The following SLC35F1 variants were observed in gnomAD, a reference collection of about 807,000 sequenced individuals.
The protein encoded by SLC35F1 is solute carrier family 35 member F1, also known as chromosome 6 open reading frame 169.
Under a neutral mutation model 48.7 loss-of-function variants are expected in SLC35F1, and 14 were observed. That is an observed-to-expected ratio of 0.29 (90% CI 0.19 to 0.45). SLC35F1 has a LOEUF of 0.45. Ranked by LOEUF, SLC35F1 falls within the 20% of genes least tolerant of loss-of-function variation. The pLI is 1.00. For synonymous variants in SLC35F1, 190 were observed against 202.2 expected, an observed-to-expected ratio of 0.94 and a Z score of 0.51; for missense variants, 404 against 500.0, an observed-to-expected ratio of 0.81 and a Z score of 1.83.
intron 2 of SLC35F1, among the ~76,000 whole-genome samples, chr6:118,219,894 C>A (rs920983351): frequency 3.9e-5 from 6 of 152,148 alleles, no homozygotes; most frequent in African/African-American, 1.4e-4. Context: ...TGGAAACCAT[C>A]ATTCTGAGCA....
Position 118,309,169 on chromosome 6 carries a change from A to ATGTCTG in SLC35F1, c.1003-4856_1003-4855insCTGTGT, listed in dbSNP as rs965744544. On this transcript the variant is annotated intron_variant, in intron 7 of 7. Transcript: ENST00000360388. The stretch of plus-strand genomic sequence containing the variant: ...TCAGGTCACCAGAAGGGGCCTGTAG[A>ATGTCTG]TGTGTGTGTGTGTGTGTGTGTGTGT... Among the ~76,000 whole-genome samples, 54 of 148,218 alleles carry ATGTCTG rather than the reference A, an allele frequency of 3.6e-4. 1 individual carries two copies. The highest frequency in any genetic ancestry group is 3.1e-3 in the South Asian group (14 of 4,568).
intron 1 of SLC35F1, among the ~76,000 whole-genome samples, chr6:118,012,610 A>G (rs1428511272): frequency 1.3e-5 from 2 of 152,168 alleles, no homozygotes; most frequent in East Asian, 3.9e-4. Context: ...AACCTCCCTG[A>G]AGTGAGAATA....
At chr6:117,935,352 A>G (rs751718611) in intron 1 of SLC35F1, among the ~76,000 whole-genome samples, 1 of 152,236 alleles carries the variant, frequency 6.6e-6, no homozygotes, top group Non-Finnish European at 1.5e-5. Flanking sequence ...TACTGAATTC[A>G]TGAATATAGA....
intron 1 of SLC35F1, among the ~76,000 whole-genome samples, chr6:118,013,827 T>G (rs915666707): frequency 2.4e-4 from 36 of 152,202 alleles, no homozygotes; most frequent in African/African-American, 8.0e-4. Flanking sequence ...CAAAGTGAAA[T>G]TAATTGACAT....
At chr6:118,104,893 C>T (rs1360406701) in intron 1 of SLC35F1, among the ~76,000 whole-genome samples, 2 of 152,174 alleles carry the variant, frequency 1.3e-5, no homozygotes, top group African/African-American at 2.4e-5. Flanking sequence ...GTTCTCAGCA[C>T]CTTGTCCTAC....
rs1054395950 is a variant in SLC35F1 at position 117,907,879 on chromosome 6, G to T, written c.153G>T (p.Arg51Ser). The T allele has an allele frequency of 5.3e-6, 8 of 1,500,378 alleles. No homozygotes were observed. The highest frequency in any genetic ancestry group is 1.8e-6 in the Non-Finnish European group (2 of 1,135,224). The allele number at this position is 1,500,378 out of a possible 1,614,324, so 92.9% of individuals were successfully genotyped here. Residue 51 changes from arginine to serine, a missense_variant, in exon 1 of 8, where the codon AGG (arginine) becomes AGT (serine). This residue lies in a region of SLC35F1 where 98 missense variants were observed against 81.0 expected (regional missense o/e 1.21). Transcript: ENST00000360388. ...SASSRAGVRQ[R>S]IRKVLNREML... ...CCTCCCGGGCTGGCGTGCGCCAGAGGATCCGCAAAGTGCTGAACAGGTGAG... is the reference window on the plus strand; with the variant it reads ...CCTCCCGGGCTGGCGTGCGCCAGAGTATCCGCAAAGTGCTGAACAGGTGAG...
At chr6:118,001,237 T>G (rs953517651) in intron 1 of SLC35F1, among the ~76,000 whole-genome samples, 1 of 152,134 alleles carries the variant, frequency 6.6e-6, no homozygotes, top group Non-Finnish European at 1.5e-5. Context: ...GCATGGTACT[T>G]GTTTCAAAAT....
At chr6:118,022,067 T>C (rs1297400245) in intron 1 of SLC35F1, among the ~76,000 whole-genome samples, 1 of 152,156 alleles carries the variant, frequency 6.6e-6, no homozygotes, top group Non-Finnish European at 1.5e-5. Context: ...AGAGTCTACT[T>C]CTTGAAGAGA....
chr6:118,299,805 C>T (rs893878871), intron 7 of SLC35F1, among the ~76,000 whole-genome samples: 2 of 152,158 alleles, frequency 1.3e-5, no homozygotes, highest in Non-Finnish European at 2.9e-5. Context: ...GGTTTCTCAT[C>T]CAGGCTCACA....
chr6:117,947,849 T>C lies in SLC35F1; in HGVS notation c.173+39950T>C, dbSNP rs570704650. ...GAGAGGTATTGCCAAGCATACACTTTGAGAGTCATTGTATAGTTGATATTT... is the reference window on the plus strand; with the variant it reads ...GAGAGGTATTGCCAAGCATACACTTCGAGAGTCATTGTATAGTTGATATTT... On this transcript the variant is annotated intron_variant, in intron 1 of 7. Transcript: ENST00000360388. 5.9e-5 allele frequency among the ~76,000 whole-genome samples: 9 copies of C among 152,248 alleles called. No homozygotes were observed. In the East Asian group the frequency reaches 1.7e-3, roughly 29 times the overall value.
At chr6:118,054,708 A>C (rs1772439230) in intron 1 of SLC35F1, among the ~76,000 whole-genome samples, 1 of 152,168 alleles carries the variant, frequency 6.6e-6, no homozygotes. Context: ...TAACATGCTG[A>C]AGGCTCTGTT....
At chr6:118,118,290 A>T (rs193068062) in intron 1 of SLC35F1, among the ~76,000 whole-genome samples, 4 of 152,172 alleles carry the variant, frequency 2.6e-5, no homozygotes, top group Admixed American at 6.5e-5. Context: ...ACACTGATAA[A>T]TTTATTGTGT....
chr6:118,129,228 A>G (rs749318839), intron 1 of SLC35F1, among the ~76,000 whole-genome samples: 1 of 152,202 alleles, frequency 6.6e-6, no homozygotes, highest in Non-Finnish European at 1.5e-5. Context: ...CAATAGCGAT[A>G]GTAGAGAATA....
intron 1 of SLC35F1, among the ~76,000 whole-genome samples, chr6:117,916,707 G>GA (rs1404784076): frequency 6.6e-6 from 1 of 152,228 alleles, no homozygotes; most frequent in African/African-American, 2.4e-5. Flanking sequence ...AGTAAGTGGG[G>GA]AGTAAGACTT....
chr6:118,144,157 A>G (rs1773934530), intron 1 of SLC35F1, among the ~76,000 whole-genome samples: 1 of 152,192 alleles, frequency 6.6e-6, no homozygotes, highest in South Asian at 2.1e-4. Context: ...GTGCAGCACT[A>G]TTCACAATAG....
At chr6:117,972,370 G>A (rs188908044) in intron 1 of SLC35F1, among the ~76,000 whole-genome samples, 139 of 152,240 alleles carry the variant, frequency 9.1e-4, no homozygotes, top group African/African-American at 3.2e-3. Context: ...CCTCCAAGTG[G>A]TTACAACCTC....
intron 1 of SLC35F1, among the ~76,000 whole-genome samples, chr6:118,131,523 G>T (rs1252773453): frequency 6.6e-6 from 1 of 151,854 alleles, no homozygotes; most frequent in Non-Finnish European, 1.5e-5. Flanking sequence ...CCATCTTTTG[G>T]ATTACTTCCT....
chr6:118,102,344 C>T (rs1030367742), intron 1 of SLC35F1, among the ~76,000 whole-genome samples: 1 of 152,114 alleles, frequency 6.6e-6, no homozygotes, highest in African/African-American at 2.4e-5. Flanking sequence ...CCGCCACACC[C>T]AGCTAAGTTT....
At chr6:118,261,715 TC>T (rs1424236371) in intron 3 of SLC35F1, among the ~76,000 whole-genome samples, 1 of 152,142 alleles carries the variant, frequency 6.6e-6, no homozygotes, top group Non-Finnish European at 1.5e-5. Context: ...AGAGTGAGGT[TC>T]CCTTGGATAT....
Sources: gnomAD v4.1 joint callset for allele counts (sites outside exome capture counted in the v4.1 genomes callset) on GRCh38, gnomAD v4.1.1 for gene constraint, gnomAD v4.1.1 regional missense constraint, MANE v1.5 for transcripts, NCBI Gene and HGNC (gene_info 2026-07-23, HGNC 2026-07-21) for gene names.